LRRTM4: variants seen among roughly 807,000 people sequenced by gnomAD.
The protein encoded by LRRTM4 is leucine-rich repeat transmembrane neuronal protein 4.
A neutral mutation model predicts 47.6 loss-of-function variants in LRRTM4; 25 were observed. The observed-to-expected ratio is 0.53, with a 90% CI of 0.38 to 0.73. LRRTM4 has a LOEUF of 0.73. Ranked by LOEUF, LRRTM4 falls within the 30% of genes least tolerant of loss-of-function variation. The probability of loss-of-function intolerance (pLI) is 0.00; values close to 1 mark genes in which losing one functional copy is unlikely to be tolerated. For synonymous variants in LRRTM4, 311 were observed against 269.5 expected (o/e 1.15, Z -1.51); for missense variants, 638 against 713.4 (o/e 0.89, Z 1.20).
chr2:77,276,781 T>C (rs1676372697), intron 3 of LRRTM4, among the ~76,000 whole-genome samples: 1 of 143,766 alleles, frequency 7.0e-6, no homozygotes, highest in South Asian at 2.3e-4. Flanking sequence ...GCTGCTGAAG[T>C]GATTTCTAAA....
Position 77,215,669 on chromosome 2 carries a change from A to G in LRRTM4, c.1551+302649T>C, listed in dbSNP as rs567641459. Reference sequence around the variant, plus strand: ...ATTTTATTTGAAGTGACTCTGAGGCACTATTTTATTCATCATAGTAGGGAC... The same window carrying G: ...ATTTTATTTGAAGTGACTCTGAGGCGCTATTTTATTCATCATAGTAGGGAC... On this transcript the variant is annotated intron_variant, in intron 3 of 3. Transcript: ENST00000409884. Among the ~76,000 whole-genome samples, 162 of 152,308 alleles carry G rather than the reference A, an allele frequency of 1.1e-3. 1 individual carries two copies. The highest frequency in any genetic ancestry group is 3.8e-3 in the African/African-American group (160 of 41,566).
intron 3 of LRRTM4, among the ~76,000 whole-genome samples, chr2:76,869,090 C>A (rs1672549719): frequency 6.6e-6 from 1 of 152,052 alleles, no homozygotes; most frequent in Non-Finnish European, 1.5e-5. Context: ...GTGAGCAGAT[C>A]ACGAGGTCAA....
At chr2:77,017,707 G>C (rs562942007) in intron 3 of LRRTM4, among the ~76,000 whole-genome samples, 1 of 152,002 alleles carries the variant, frequency 6.6e-6, no homozygotes, top group Non-Finnish European at 1.5e-5. Flanking sequence ...TAGTCATTAC[G>C]ATATCTAAAA....
intron 3 of LRRTM4, among the ~76,000 whole-genome samples, chr2:77,458,048 G>T (rs1478444368): frequency 6.6e-6 from 1 of 152,138 alleles, no homozygotes; most frequent in Non-Finnish European, 1.5e-5. Context: ...CGTTCATAAG[G>T]AGCATTGGTT....
intron 3 of LRRTM4, among the ~76,000 whole-genome samples, chr2:77,093,892 A>G (rs566639070): frequency 1.3e-5 from 2 of 151,096 alleles, no homozygotes; most frequent in Non-Finnish European, 1.5e-5. Context: ...GGCTCAAAAA[A>G]CACCCCCACT....
chr2:77,073,470 ATTAT>A (rs1341129801), intron 3 of LRRTM4, among the ~76,000 whole-genome samples: 2 of 151,950 alleles, frequency 1.3e-5, no homozygotes, highest in Admixed American at 6.6e-5. Flanking sequence ...TTTCCTTTCC[ATTAT>A]TTGTTTTTTC....
intron 3 of LRRTM4, among the ~76,000 whole-genome samples, chr2:77,079,002 A>ATTTG (rs1283348953): frequency 6.6e-6 from 1 of 152,140 alleles, no homozygotes; most frequent in African/African-American, 2.4e-5. Context: ...TAAGAGCATC[A>ATTTG]AATGCATTCA....
At chr2:76,986,193 T>C (rs559201784) in intron 3 of LRRTM4, among the ~76,000 whole-genome samples, 1 of 150,170 alleles carries the variant, frequency 6.7e-6, no homozygotes, top group South Asian at 2.1e-4. Flanking sequence ...GAATTTTCAT[T>C]GTTTGACTTG....
chr2:77,120,450 A>G (rs867503789), intron 3 of LRRTM4, among the ~76,000 whole-genome samples: 34 of 151,976 alleles, frequency 2.2e-4, no homozygotes, highest in African/African-American at 7.5e-4. Context: ...TTCAAGATTG[A>G]AGAAAGCAAT....
intron 3 of LRRTM4, among the ~76,000 whole-genome samples, chr2:76,997,185 C>G (rs1245270683): frequency 6.6e-6 from 1 of 152,106 alleles, no homozygotes; most frequent in African/African-American, 2.4e-5. Context: ...GAAGCTCAAT[C>G]AAATGGGCTT....
intron 3 of LRRTM4, among the ~76,000 whole-genome samples, chr2:77,240,647 G>A (rs149105307): frequency 6.6e-6 from 1 of 151,986 alleles, no homozygotes; most frequent in Admixed American, 6.6e-5. Flanking sequence ...CAACATAATT[G>A]TCTATGTTAA....
chr2:77,088,157 C>A (rs1680788631), intron 3 of LRRTM4, among the ~76,000 whole-genome samples: 2 of 152,294 alleles, frequency 1.3e-5, no homozygotes, highest in South Asian at 4.1e-4. Context: ...TACTAAATTT[C>A]TTCTGCTGTT....
rs556282470 is a variant in LRRTM4 at position 77,467,741 on chromosome 2, T to C, written c.1551+50577A>G. 2.6e-5 allele frequency among the ~76,000 whole-genome samples: 4 copies of C among 152,294 alleles called. No homozygotes were observed. The South Asian group carries it at 6.2e-4, about 24-fold the overall frequency. ...TACATTTTGTTTTAAAAATCATACA[T>C]TTATAATAAAAATATGTGAAATATG... On this transcript the variant is annotated intron_variant, in intron 3 of 3. Coordinates refer to ENST00000409884, the MANE Select transcript of LRRTM4 (RefSeq NM_001134745.3).
At chr2:77,296,934 G>T (rs1380494016) in intron 3 of LRRTM4, among the ~76,000 whole-genome samples, 2 of 152,178 alleles carry the variant, frequency 1.3e-5, no homozygotes, top group Non-Finnish European at 2.9e-5. Context: ...CTCTCATTTT[G>T]TTTCTGTTTC....
intron 3 of LRRTM4, among the ~76,000 whole-genome samples, chr2:76,816,181 T>A (rs1360130321): frequency 6.6e-6 from 1 of 152,102 alleles, no homozygotes; most frequent in South Asian, 2.1e-4. Flanking sequence ...ATTGTTTGTA[T>A]GCAAAGGGGT....
At chr2:76,993,370 G>A (rs1293239842) in intron 3 of LRRTM4, among the ~76,000 whole-genome samples, 1 of 151,786 alleles carries the variant, frequency 6.6e-6, no homozygotes, top group African/African-American at 2.4e-5. Flanking sequence ...ATCTGACAAA[G>A]ATCTAATATC....
chr2:76,971,874 TTG>T (rs1419758459), intron 3 of LRRTM4, among the ~76,000 whole-genome samples: 1 of 151,998 alleles, frequency 6.6e-6, no homozygotes, highest in Admixed American at 6.6e-5. Context: ...AACGTTTAAA[TTG>T]TAATAAAAAC....
intron 3 of LRRTM4, among the ~76,000 whole-genome samples, chr2:76,779,933 A>G (rs1445099626): frequency 6.6e-6 from 1 of 151,762 alleles, no homozygotes; most frequent in Admixed American, 6.6e-5. Flanking sequence ...TGCTTCCTTC[A>G]GGAGCTCTTG....
chr2:76,866,001 C>T (rs1444535927), intron 3 of LRRTM4, among the ~76,000 whole-genome samples: 1 of 151,744 alleles, frequency 6.6e-6, no homozygotes, highest in Non-Finnish European at 1.5e-5. Context: ...TTAGTCAAAA[C>T]CCCACATAAG....
Sources: allele counts gnomAD v4.1 joint callset (sites outside exome capture counted in the v4.1 genomes callset), GRCh38; gene constraint gnomAD v4.1.1; transcripts MANE v1.5; gene names NCBI Gene and HGNC (gene_info 2026-07-23, HGNC 2026-07-21).